IQGAP2: variants seen among roughly 807,000 people sequenced by gnomAD.
IQGAP2 encodes the protein ras GTPase-activating-like protein IQGAP2.
IQGAP2 carries 173 observed loss-of-function variants against 201.3 expected under a neutral mutation model. The observed-to-expected ratio is 0.86, with a 90% confidence interval of 0.76 to 0.98. The LOEUF is 0.98. Ranked by LOEUF, IQGAP2 falls within the 50% of genes least tolerant of loss-of-function variation. The probability of loss-of-function intolerance (pLI) is 0.00; values close to 1 mark genes in which losing one functional copy is unlikely to be tolerated. For missense variants in IQGAP2, 1,687 were observed against 1,864.8 expected, an observed-to-expected ratio of 0.90 and a Z score of 1.76; for synonymous variants, 675 against 673.9, an observed-to-expected ratio of 1.00 and a Z score of -0.03.
At chr5:76,461,163 C>T (rs952325951) in intron 1 of IQGAP2, among the ~76,000 whole-genome samples, 16 of 151,888 alleles carry the variant, frequency 1.1e-4, no homozygotes, top group African/African-American at 3.9e-4. Context: ...CAGGCGTGAG[C>T]CGCCGCACCT....
At chr5:76,627,152 A>T (rs970109188) in intron 13 of IQGAP2, among the ~76,000 whole-genome samples, 58 of 152,112 alleles carry the variant, frequency 3.8e-4, no homozygotes, top group African/African-American at 1.1e-3. Context: ...GATGCAGCAG[A>T]AGCTGCTAGG....
chr5:76,606,353 C>A, intron 12 of IQGAP2, 50 bp downstream of exon 12: 1 of 1,488,096 alleles, frequency 6.7e-7, no homozygotes, highest in Non-Finnish European at 9.0e-7. Context: ...AAGAAGGTAT[C>A]TGGACAACTT....
chr5:76,556,389 G>A (rs1043514434), intron 2 of IQGAP2, among the ~76,000 whole-genome samples: 4 of 152,134 alleles, frequency 2.6e-5, no homozygotes, highest in Non-Finnish European at 5.9e-5. Flanking sequence ...CTTAGTTCCC[G>A]CTGGCATTCA....
intron 30 of IQGAP2, among the ~76,000 whole-genome samples, chr5:76,685,995 T>A (rs1407235171): frequency 6.6e-6 from 1 of 152,228 alleles, no homozygotes; most frequent in South Asian, 2.1e-4. Context: ...AACTTTTGCC[T>A]GAAGATATGA....
chr5:76,573,387 A>G (rs1044955578), intron 4 of IQGAP2, among the ~76,000 whole-genome samples: 3 of 152,226 alleles, frequency 2.0e-5, no homozygotes, highest in African/African-American at 7.2e-5. Flanking sequence ...ATTTATCAAT[A>G]TTAAGTGCTT....
intron 2 of IQGAP2, among the ~76,000 whole-genome samples, chr5:76,550,804 C>T (rs1421963027): frequency 2.0e-5 from 3 of 152,376 alleles, no homozygotes; most frequent in Admixed American, 1.3e-4. Flanking sequence ...CCCCACATTT[C>T]CCCCTTTTCT....
chr5:76,412,789 C>A (rs145010924), intron 1 of IQGAP2, among the ~76,000 whole-genome samples: 1 of 152,222 alleles, frequency 6.6e-6, no homozygotes. Context: ...AGATGCCATG[C>A]AAACATTAAA....
At chr5:76,426,718 C>T (rs1752021398) in intron 1 of IQGAP2, among the ~76,000 whole-genome samples, 1 of 152,174 alleles carries the variant, frequency 6.6e-6, no homozygotes, top group Non-Finnish European at 1.5e-5. Flanking sequence ...ATCACTAAGG[C>T]CCCTTCCAGC....
intron 5 of IQGAP2, among the ~76,000 whole-genome samples, chr5:76,576,779 G>A (rs1390096418): frequency 2.0e-5 from 3 of 152,178 alleles, no homozygotes; most frequent in Admixed American, 1.3e-4. Flanking sequence ...TATAGACCAA[G>A]TGTAGGTGCC....
intron 1 of IQGAP2, among the ~76,000 whole-genome samples, chr5:76,404,819 G>T (rs181042055): frequency 2.3e-3 from 343 of 151,152 alleles, no homozygotes; most frequent in African/African-American, 7.4e-3. Flanking sequence ...AAACCACACA[G>T]ACAGCAGAGC....
At chr5:76,444,289 T>C (rs1047180779) in intron 1 of IQGAP2, among the ~76,000 whole-genome samples, 4 of 151,978 alleles carry the variant, frequency 2.6e-5, no homozygotes, top group Non-Finnish European at 4.4e-5. Flanking sequence ...ATACAAGTGT[T>C]TTTTTGTTTG....
At chr5:76,553,115 T>G (rs1033003554) in intron 2 of IQGAP2, among the ~76,000 whole-genome samples, 2 of 152,164 alleles carry the variant, frequency 1.3e-5, no homozygotes, top group African/African-American at 4.8e-5. Flanking sequence ...ATAAGGCTAA[T>G]GGAATCATGG....
intron 15 of IQGAP2, among the ~76,000 whole-genome samples, chr5:76,633,966 T>C (rs186343951): frequency 1.3e-4 from 20 of 151,696 alleles, no homozygotes; most frequent in Admixed American, 6.6e-4. Context: ...TCCCCCCAAC[T>C]TTTGGCTATT....
chr5:76,590,314 G>A (rs1264095369), intron 7 of IQGAP2, 94 bp from the exon 8 acceptor site: 14 of 993,370 alleles, frequency 1.4e-5, no homozygotes, highest in Non-Finnish European at 2.1e-5. Flanking sequence ...AAGAAAGAAA[G>A]TAAAACTGCT....
chr5:76,565,185 G>A (rs1744660599), intron 3 of IQGAP2, among the ~76,000 whole-genome samples: 1 of 152,202 alleles, frequency 6.6e-6, no homozygotes, highest in African/African-American at 2.4e-5. Context: ...TTTGCAAGGA[G>A]AGCTAAATCA....
chr5:76,683,070 A>G, intron 28 of IQGAP2, 45 bp from the exon 29 acceptor site: 2 of 1,203,240 alleles, frequency 1.7e-6, no homozygotes, highest in South Asian at 1.3e-5. Flanking sequence ...GGTACAGTTG[A>G]GAATTTACTT....
intron 4 of IQGAP2, among the ~76,000 whole-genome samples, chr5:76,575,324 C>T (rs1410076915): frequency 6.6e-6 from 1 of 152,164 alleles, no homozygotes; most frequent in East Asian, 1.9e-4. Flanking sequence ...CAAGGACACC[C>T]TTCTCAGGCC....
intron 11 of IQGAP2, among the ~76,000 whole-genome samples, chr5:76,605,433 G>T (rs1030304344): frequency 8.5e-5 from 13 of 152,202 alleles, no homozygotes; most frequent in East Asian, 5.8e-4. Flanking sequence ...GGGCTCAAAC[G>T]ATCCTCTCAC....
chr5:76,491,636 C>T (rs1756547979), intron 2 of IQGAP2, among the ~76,000 whole-genome samples: 1 of 152,122 alleles, frequency 6.6e-6, no homozygotes, highest in Non-Finnish European at 1.5e-5. Context: ...TTCTCATCTT[C>T]CCATAACTTT....
Sources: allele counts gnomAD v4.1 joint callset (sites outside exome capture counted in the v4.1 genomes callset), GRCh38; gene constraint gnomAD v4.1.1; transcripts MANE v1.5; gene names NCBI Gene and HGNC (gene_info 2026-07-23, HGNC 2026-07-21).